The following ZMIZ1 variants were observed in gnomAD, a reference collection of about 807,000 sequenced individuals.
ZMIZ1 encodes the protein zinc finger MIZ domain-containing protein 1.
Under a neutral mutation model 113.9 loss-of-function variants are expected in ZMIZ1, and 17 were observed. The ratio of observed to expected loss-of-function variants is 0.15; its 90% CI spans 0.10 to 0.22. The LOEUF (loss-of-function observed/expected upper bound fraction) is 0.22. Ranked by LOEUF, ZMIZ1 falls within the 10% of genes least tolerant of loss-of-function variation. The pLI is 1.00. For missense variants in ZMIZ1, 1,059 were observed against 1,477.8 expected, an observed-to-expected ratio of 0.72 and a Z score of 4.65; for synonymous variants, 607 against 603.1, an observed-to-expected ratio of 1.01 and a Z score of -0.09.
intron 19 of ZMIZ1, 89 bp downstream of exon 19, chr10:79,304,264 T>C (rs954697454): frequency 1.3e-6 from 2 of 1,499,782 alleles, no homozygotes; most frequent in African/African-American, 2.8e-5. Flanking sequence ...ACAGAGCCTG[T>C]CCTAACACTG....
At position 79,208,729 on chromosome 10, in the gene ZMIZ1, C is replaced by T. The variant is rs377673594; in HGVS notation, c.174+280C>T. Among the ~76,000 whole-genome samples the T allele has an allele frequency of 2.6e-5, 4 of 152,338 alleles. No homozygotes were observed. The East Asian group carries it at 5.8e-4, about 22-fold the overall frequency. ...AGTGTTCACTTTGCAGGTCACTGTT[C>T]CATCATAAGCACAGTAGAGAAACTC... is the stretch of plus-strand genomic sequence containing the variant. On this transcript the variant is annotated intron_variant, in intron 6 of 24. Transcript: ENST00000334512.
chr10:79,085,653 C>T (rs542429338), intron 1 of ZMIZ1, among the ~76,000 whole-genome samples: 18 of 152,326 alleles, frequency 1.2e-4, no homozygotes, highest in African/African-American at 4.1e-4. Flanking sequence ...CCAATAAACA[C>T]GCTTGTTAGG....
At chr10:79,275,559 C>T (rs1164310104) in intron 7 of ZMIZ1, among the ~76,000 whole-genome samples, 1 of 152,238 alleles carries the variant, frequency 6.6e-6, no homozygotes, top group African/African-American at 2.4e-5. Context: ...TGCCCAGCCA[C>T]TCCCGGTCAC....
At chr10:79,300,634 TGTGGTGTGTTTA>T in intron 16 of ZMIZ1, 86 bp from the exon 17 acceptor site, 1 of 1,396,626 alleles carries the variant, frequency 7.2e-7, no homozygotes. Flanking sequence ...TCTCGGAGGT[TGTGGTGTGTTTA>T]GAGGTGTGTG....
chr10:79,074,638 G>A (rs1441284231), intron 1 of ZMIZ1, among the ~76,000 whole-genome samples: 1 of 152,240 alleles, frequency 6.6e-6, no homozygotes, highest in Non-Finnish European at 1.5e-5. Context: ...TATGGTTTCT[G>A]TAGTCCCTCT....
intron 1 of ZMIZ1, among the ~76,000 whole-genome samples, chr10:79,076,061 A>T (rs1266774124): frequency 6.6e-6 from 1 of 151,898 alleles, no homozygotes; most frequent in African/African-American, 2.4e-5. Context: ...AACCTCTCTG[A>T]CTCTGGGGTT....
chr10:79,151,703 C>T (rs769530429), intron 3 of ZMIZ1, among the ~76,000 whole-genome samples: 46 of 152,200 alleles, frequency 3.0e-4, no homozygotes, highest in Non-Finnish European at 5.9e-4. Flanking sequence ...TGAGTCCCAC[C>T]GGCGTGGGGT....
chr10:79,263,372 G>A (rs1434875439), intron 7 of ZMIZ1, among the ~76,000 whole-genome samples: 1 of 152,198 alleles, frequency 6.6e-6, no homozygotes, highest in Non-Finnish European at 1.5e-5. Context: ...GGAAGGGTGG[G>A]GTGGAGTCGG....
intron 1 of ZMIZ1, among the ~76,000 whole-genome samples, chr10:79,111,151 A>G (rs1306833562): frequency 6.6e-6 from 1 of 152,188 alleles, no homozygotes; most frequent in African/African-American, 2.4e-5. Flanking sequence ...GATAGCTGTT[A>G]GGGTCCAGTA....
chr10:79,257,121 C>T (rs1168378481), intron 7 of ZMIZ1, among the ~76,000 whole-genome samples: 2 of 152,236 alleles, frequency 1.3e-5, no homozygotes, highest in African/African-American at 4.8e-5. Flanking sequence ...TGAGCACATG[C>T]TCCGTCCTCA....
intron 7 of ZMIZ1, among the ~76,000 whole-genome samples, chr10:79,236,496 C>T (rs780239191): frequency 4.6e-5 from 7 of 152,184 alleles, no homozygotes; most frequent in Admixed American, 2.0e-4. Context: ...CACGGACATT[C>T]GAGCTGCCGT....
chr10:79,314,091 C>T lies in ZMIZ1; in HGVS notation c.*1342C>T, dbSNP rs1855381413. The stretch of plus-strand genomic sequence containing the variant: ...CCCTGCCTGCACTCCTCCACCATCA[C>T]AATCTCACCCAAACTCCTGCTCACT... On this transcript the variant is annotated 3_prime_UTR_variant, in exon 25 of 25. Transcript: ENST00000334512. The T allele has an allele frequency of 4.4e-6, 2 of 456,986 alleles. No homozygotes were observed. Among genetic ancestry groups the T allele is most frequent in the South Asian group, 3.1e-5 (2 of 64,578 alleles). The allele number at this position is 456,986 out of a possible 1,614,324, so 28.3% of individuals were successfully genotyped here. A position where few individuals can be genotyped will look rare whatever the true frequency, so the allele number is the denominator to read the frequency against.
At chr10:79,164,270 C>G (rs1454411819) in intron 4 of ZMIZ1, among the ~76,000 whole-genome samples, 1 of 152,240 alleles carries the variant, frequency 6.6e-6, no homozygotes, top group African/African-American at 2.4e-5. Flanking sequence ...CTGCCTTTCC[C>G]TGGACTCAGC....
intron 2 of ZMIZ1, among the ~76,000 whole-genome samples, chr10:79,129,442 A>T (rs914067975): frequency 6.6e-6 from 1 of 152,174 alleles, no homozygotes; most frequent in African/African-American, 2.4e-5. Context: ...TTCTTGGCGC[A>T]GGGGCTTGCT....
intron 19 of ZMIZ1, 110 bp from the exon 20 acceptor site, chr10:79,305,054 C>T (rs1183039868): frequency 1.6e-6 from 2 of 1,286,382 alleles, no homozygotes; most frequent in Non-Finnish European, 1.1e-6. Context: ...GGGTTTCTCC[C>T]ACAGCCTATC....
chr10:79,271,178 A>C (rs1334897269), intron 7 of ZMIZ1, among the ~76,000 whole-genome samples: 2 of 152,180 alleles, frequency 1.3e-5, no homozygotes, highest in Non-Finnish European at 2.9e-5. Context: ...CATCTCCATG[A>C]ACTTCTGGAG....
intron 3 of ZMIZ1, among the ~76,000 whole-genome samples, chr10:79,150,102 G>A (rs1449066789): frequency 2.0e-5 from 3 of 152,236 alleles, no homozygotes; most frequent in Admixed American, 6.5e-5. Context: ...CGGGGCTGGA[G>A]GATGGGGCTC....
chr10:79,177,024 G>C (rs1218350684), intron 4 of ZMIZ1, among the ~76,000 whole-genome samples: 1 of 152,208 alleles, frequency 6.6e-6, no homozygotes, highest in Non-Finnish European at 1.5e-5. Flanking sequence ...AGGCCCCCTG[G>C]GTCCTGGGAC....
chr10:79,184,063 T>C (rs1847245190), intron 4 of ZMIZ1, among the ~76,000 whole-genome samples: 1 of 152,196 alleles, frequency 6.6e-6, no homozygotes, highest in Non-Finnish European at 1.5e-5. Context: ...CCTCGGTGCC[T>C]TGAGGTGGGA....
Sources: gnomAD v4.1 joint callset for allele counts (sites outside exome capture counted in the v4.1 genomes callset) on GRCh38, gnomAD v4.1.1 for gene constraint, MANE v1.5 for transcripts, NCBI Gene and HGNC (gene_info 2026-07-23, HGNC 2026-07-21) for gene names.